Variants in RIMBP2 observed in about 807,000 individuals in gnomAD.
RIMBP2 encodes the protein RIMS binding protein 2.
RIMBP2 carries 48 observed loss-of-function variants against 118.6 expected under a neutral mutation model. That is an observed-to-expected ratio of 0.40 (90% CI 0.32 to 0.51). RIMBP2 has a LOEUF of 0.51. Ranked by LOEUF, RIMBP2 falls within the 20% of genes least tolerant of loss-of-function variation. The pLI is 0.41. For missense variants in RIMBP2, 1,551 were observed against 1,768.3 expected (o/e 0.88, Z 2.20); for synonymous variants, 762 against 742.9 (o/e 1.03, Z -0.42).
chr12:130,425,947 A>C (rs2076758802), intron 15 of RIMBP2: 1 of 152,348 alleles, frequency 6.6e-6, no homozygotes, highest in Non-Finnish European at 1.5e-5. Flanking sequence ...CCAGGTGAGG[A>C]GGCATCGGGG....
At chr12:130,571,450 C>T (rs2057652860) in intron 2 of RIMBP2, among the ~76,000 whole-genome samples, 1 of 144,438 alleles carries the variant, frequency 6.9e-6, no homozygotes, top group Non-Finnish European at 1.5e-5. Flanking sequence ...GACAGAGTCT[C>T]ACTTTTTTGC....
Position 130,578,115 on chromosome 12 carries a change from T to C in RIMBP2, c.-217+50207A>G, listed in dbSNP as rs1041889101. Among the ~76,000 whole-genome samples the C allele has an allele frequency of 4.6e-5, 7 of 152,224 alleles. No individual in the cohort carries two copies. The highest frequency in any genetic ancestry group is 7.3e-5 in the Non-Finnish European group (5 of 68,042). ...AAGCCATTATCACCCAGTAGCACAC[T>C]GTGGCAAATTATTCACAGGATTCAG... On this transcript the variant is annotated intron_variant, in intron 2 of 22. Transcript: ENST00000690449. This position sits in a 1 kb window ranked among gnomAD's most constrained non-coding sequence, Gnocchi z 4.1.
intron 2 of RIMBP2, among the ~76,000 whole-genome samples, chr12:130,552,492 G>T (rs1475767027): frequency 6.6e-6 from 1 of 152,156 alleles, no homozygotes; most frequent in East Asian, 1.9e-4. Context: ...ACAAGATAAT[G>T]GCTAAAATGA....
At chr12:130,600,145 A>G (rs545103066) in intron 2 of RIMBP2, among the ~76,000 whole-genome samples, 1 of 152,302 alleles carries the variant, frequency 6.6e-6, no homozygotes, top group South Asian at 2.1e-4. Context: ...AATGCATAAA[A>G]TCTACCTGTG....
Position 130,648,607 on chromosome 12 carries a change from T to C in RIMBP2, c.-351-20151A>G, listed in dbSNP as rs1468075402. ...TTTAAAATTTTTTCTACAATAAATA[T>C]ATGTTACTCCATTAATCATAATCAA... On this transcript the variant is annotated intron_variant, in intron 1 of 22. Transcript: ENST00000690449. 1.4e-5 allele frequency among the ~76,000 whole-genome samples: 2 copies of C among 145,684 alleles called. 1 individual carries two copies. Among genetic ancestry groups the C allele is most frequent in the Non-Finnish European group, 3.1e-5 (2 of 64,408 alleles).
chr12:130,512,133 C>T (rs543419328), intron 3 of RIMBP2, among the ~76,000 whole-genome samples: 4 of 152,302 alleles, frequency 2.6e-5, no homozygotes, highest in African/African-American at 7.2e-5. Flanking sequence ...CAAATGCTGG[C>T]GCCTGGGGCC....
chr12:130,547,545 C>T, intron 2 of RIMBP2, among the ~76,000 whole-genome samples: 1 of 152,190 alleles, frequency 6.6e-6, no homozygotes, highest in East Asian at 1.9e-4. Context: ...ATTTTGAGGC[C>T]TTGAGACATC....
intron 1 of RIMBP2, among the ~76,000 whole-genome samples, chr12:130,654,325 C>T (rs1355762799): frequency 1.3e-5 from 2 of 152,202 alleles, no homozygotes; most frequent in Admixed American, 1.3e-4. Context: ...TAGGTTATCA[C>T]TCTTTTAAGT....
chr12:130,658,279 A>G (rs73159153), intron 1 of RIMBP2: 3,315 of 152,068 alleles, frequency 0.022, 61 homozygotes, highest in South Asian at 0.038. Context: ...ACTAACACAC[A>G]CCGCCTGTGC....
At chr12:130,433,943 A>G (rs544368079) in intron 14 of RIMBP2, among the ~76,000 whole-genome samples, 1 of 152,322 alleles carries the variant, frequency 6.6e-6, no homozygotes, top group South Asian at 2.1e-4. Flanking sequence ...AACGATTTGG[A>G]TCTTCCAGAT....
chr12:130,437,901 A>T (rs1366392931), intron 12 of RIMBP2, among the ~76,000 whole-genome samples: 2 of 152,084 alleles, frequency 1.3e-5, no homozygotes, highest in African/African-American at 4.8e-5. Context: ...CCAGGCAGGG[A>T]TAGGGGGCTG....
intron 1 of RIMBP2, among the ~76,000 whole-genome samples, chr12:130,690,769 T>C (rs1422546376): frequency 6.6e-6 from 1 of 152,134 alleles, no homozygotes; most frequent in Non-Finnish European, 1.5e-5. Context: ...CGGGGTGGAA[T>C]ATGATTTCAC....
rs895605081 is a variant in RIMBP2, at chr12:130,430,827, C to G, written c.2254-2490G>C. Among the ~76,000 whole-genome samples, 3 of 151,964 alleles carry G rather than the reference C, an allele frequency of 2.0e-5. No individual in the cohort carries two copies. The East Asian group carries it at 5.8e-4, about 29-fold the overall frequency. On this transcript the variant is annotated intron_variant, in intron 14 of 22. Transcript: ENST00000690449. ...TATATTTTTAGTGGAGACGGAGTTT[C>G]ACCATGTTGGCCTGGCTGGTCTCAA...
intron 1 of RIMBP2, among the ~76,000 whole-genome samples, chr12:130,663,075 A>C (rs985631488): frequency 2.6e-5 from 4 of 152,198 alleles, no homozygotes; most frequent in Non-Finnish European, 5.9e-5. Context: ...CGTGCGGCCA[A>C]GTTTGGCTCT....
chr12:130,556,023 C>A (rs2056319078), intron 2 of RIMBP2, among the ~76,000 whole-genome samples: 1 of 152,178 alleles, frequency 6.6e-6, no homozygotes. Context: ...AGCCTCTGCC[C>A]CCTCGTACTT....
At chr12:130,601,067 G>A (rs539308298) in intron 2 of RIMBP2, among the ~76,000 whole-genome samples, 12 of 152,184 alleles carry the variant, frequency 7.9e-5, no homozygotes, top group African/African-American at 2.6e-4. Context: ...GCAAGTCCAC[G>A]CTCAACTCAC....
At position 130,412,606 on chromosome 12, in the gene RIMBP2, G is replaced by A. The variant is rs760802325; in HGVS notation, c.3589+13C>T. On this transcript the variant is annotated intron_variant, in intron 19 of 22. Transcript: ENST00000690449. ...AAATGCACAGGGAAGGTCGAATAGG[G>A]GTTTGCGCTTACCTATTTTCTCCAC... 2 of 1,612,442 alleles carry A rather than the reference G, an allele frequency of 1.2e-6. No homozygotes were observed. The highest frequency in any genetic ancestry group is 3.3e-5 in the Admixed American group (2 of 59,886).
chr12:130,448,543 G>A (rs1439618092), intron 9 of RIMBP2, among the ~76,000 whole-genome samples: 1 of 152,262 alleles, frequency 6.6e-6, no homozygotes, highest in Non-Finnish European at 1.5e-5. Flanking sequence ...TGCTGGCATT[G>A]AGGGTTCTGT....
chr12:130,584,755 T>A (rs1380295650), intron 2 of RIMBP2, among the ~76,000 whole-genome samples: 1 of 107,640 alleles, frequency 9.3e-6, no homozygotes, highest in African/African-American at 5.1e-5. Flanking sequence ...ATCACTACCA[T>A]CACCATTACA....
Sources: gnomAD v4.1 joint callset for allele counts (sites outside exome capture counted in the v4.1 genomes callset) on GRCh38, gnomAD v4.1.1 for gene constraint, Gnocchi (gnomAD v3.1) non-coding constraint, MANE v1.5 for transcripts, NCBI Gene and HGNC (gene_info 2026-07-23, HGNC 2026-07-21) for gene names.